The following YKT6 variants were observed in gnomAD, a reference collection of about 807,000 sequenced individuals.
YKT6 encodes the protein YKT6 vesicular SNARE protein.
A neutral mutation model predicts 29.3 loss-of-function variants in YKT6; 12 were observed. The observed-to-expected ratio is 0.41, with a 90% CI of 0.26 to 0.66. The LOEUF (loss-of-function observed/expected upper bound fraction) is 0.66. Among genes scored for constraint, YKT6 ranks in the 30% least tolerant of loss-of-function variants. YKT6 has a pLI of 0.32. For synonymous variants in YKT6, 86 were observed against 94.3 expected (o/e 0.91, Z 0.51); for missense variants, 188 against 243.8 (o/e 0.77, Z 1.52).
At chr7:44,204,713 G>C in intron 2 of YKT6, 63 bp downstream of exon 2, 1 of 1,531,696 alleles carries the variant, frequency 6.5e-7, no homozygotes, top group South Asian at 1.1e-5. Flanking sequence ...ACCTCACATA[G>C]CACCCAGCTT....
intron 5 of YKT6, among the ~76,000 whole-genome samples, chr7:44,209,251 G>A (rs1369821210): frequency 6.6e-6 from 1 of 152,188 alleles, no homozygotes; most frequent in African/African-American, 2.4e-5. Context: ...TGGAGTTGTT[G>A]GCCTGCGATG....
At chr7:44,204,265 TTGCATTCCAAATTA>T (rs1285805460) in intron 1 of YKT6, among the ~76,000 whole-genome samples, 4 of 152,230 alleles carry the variant, frequency 2.6e-5, no homozygotes, top group Non-Finnish European at 1.5e-5. Context: ...TGTTTTTCCA[TTGCATTCCAAATTA>T]TGCATTCACC....
chr7:44,205,919 G>T (rs538902505), intron 2 of YKT6, among the ~76,000 whole-genome samples: 1 of 152,252 alleles, frequency 6.6e-6, no homozygotes, highest in South Asian at 2.1e-4. Flanking sequence ...AGGCCCTGGG[G>T]GGTAATTTCC....
chr7:44,210,175 C>A (rs2096345069), intron 5 of YKT6, among the ~76,000 whole-genome samples: 1 of 152,092 alleles, frequency 6.6e-6, no homozygotes, highest in African/African-American at 2.4e-5. Flanking sequence ...TTTGGACTTG[C>A]CTCACATCAA....
chr7:44,206,551 G>A, intron 3 of YKT6, 66 bp downstream of exon 3: 1 of 1,384,684 alleles, frequency 7.2e-7, no homozygotes, highest in Non-Finnish European at 1.0e-6. Flanking sequence ...ACTGGGACAG[G>A]GGTTGATGGC....
rs931906386 is a variant in YKT6 at position 44,200,980 on chromosome 7, A to G, written c.-156A>G. 4.2e-5 allele frequency: 24 copies of G among 569,678 alleles called. No individual in the cohort carries two copies. The highest frequency in any genetic ancestry group is 6.1e-5 in the African/African-American group (3 of 49,008). The allele number at this position is 569,678 out of a possible 1,614,324, so 35.3% of individuals were successfully genotyped here. A position where few individuals can be genotyped will look rare whatever the true frequency, so the allele number is the denominator to read the frequency against. ...CCAGGCTGACCGGATCCGGAAGTGG[A>G]TTGCGAGCCAGGAGGAGGAAGCCGG... is the stretch of plus-strand genomic sequence containing the variant. On this transcript the variant is annotated 5_prime_UTR_variant, in exon 1 of 7. Transcript: ENST00000223369.
chr7:44,202,209 G>C (rs971942501), intron 1 of YKT6, among the ~76,000 whole-genome samples: 1 of 150,226 alleles, frequency 6.7e-6, no homozygotes, highest in Non-Finnish European at 1.5e-5. Context: ...GGACTTGCTG[G>C]ATGTAAAAAA....
intron 5 of YKT6, 28 bp from the exon 6 acceptor site, chr7:44,210,995 G>A: frequency 1.2e-6 from 2 of 1,612,350 alleles, no homozygotes; most frequent in Admixed American, 3.3e-5. Context: ...ACTGAACAGA[G>A]CTGGATTCTC....
At chr7:44,205,368 C>G (rs1365249176) in intron 2 of YKT6, among the ~76,000 whole-genome samples, 1 of 152,232 alleles carries the variant, frequency 6.6e-6, no homozygotes, top group East Asian at 1.9e-4. Flanking sequence ...GACAATTCCT[C>G]CACTGACCAG....
chr7:44,201,054 G>A lies in YKT6; in HGVS notation c.-82G>A, dbSNP rs963812618. 8.2e-5 allele frequency: 102 copies of A among 1,241,458 alleles called. No individual in the cohort carries two copies. The South Asian group carries it at 1.0e-3, about 13-fold the overall frequency. 76.9% of individuals were successfully genotyped at this position (1,241,458 alleles called of 1,614,324 possible). A position where few individuals can be genotyped will look rare whatever the true frequency, so the allele number is the denominator to read the frequency against. ...TGCTGAGAGGCCGGTAGGCGGCGGC[G>A]GTCCCGAGGGGCGGCGGCCGCGCTG... On this transcript the variant is annotated 5_prime_UTR_variant, in exon 1 of 7. Transcript: ENST00000223369.
In YKT6 at chr7:44,214,187, G is replaced by A. The variant is rs2096349829; in HGVS notation, c.*1905G>A. ...CCCACAGATCCCCTGCTCCTGTTGT[G>A]TTCTGTTGTAAATCATTTGGCGAGA... On this transcript the variant is annotated 3_prime_UTR_variant, in exon 7 of 7. Coordinates refer to ENST00000223369, the MANE Select transcript of YKT6 (RefSeq NM_006555.4). 3.3e-5 allele frequency: 5 copies of A among 152,296 alleles called. No individual in the cohort carries two copies. The highest frequency in any genetic ancestry group is 1.2e-4 in the African/African-American group (5 of 41,458). The allele number at this position is 152,296 out of a possible 1,614,324, so 9.4% of individuals were successfully genotyped here.
Position 44,213,819 on chromosome 7 carries a change from A to G in YKT6, c.*1537A>G, listed in dbSNP as rs1247863102. 6.6e-6 allele frequency: 1 copy of G among 151,926 alleles called. No individual in the cohort carries two copies. The highest frequency in any genetic ancestry group is 2.4e-5 in the African/African-American group (1 of 41,286). The allele number at this position is 151,926 out of a possible 1,614,324, so 9.4% of individuals were successfully genotyped here. A position where few individuals can be genotyped will look rare whatever the true frequency, so the allele number is the denominator to read the frequency against. ...CTGGCTGGTTTACCTGCTGCTGCCC[A>G]TTTTCTCTGGGTACTGCTGGCCAGA... is the stretch of plus-strand genomic sequence containing the variant. On this transcript the variant is annotated 3_prime_UTR_variant, in exon 7 of 7. Coordinates refer to ENST00000223369, the MANE Select transcript of YKT6 (RefSeq NM_006555.4).
intron 5 of YKT6, 57 bp from the exon 6 acceptor site, chr7:44,210,966 G>A: frequency 6.4e-7 from 1 of 1,573,946 alleles, no homozygotes; most frequent in South Asian, 1.1e-5. Flanking sequence ...AAATATGAGG[G>A]GCTCATGTCA....
At chr7:44,211,927 C>T (rs560516113) in intron 6 of YKT6, among the ~76,000 whole-genome samples, 1 of 152,250 alleles carries the variant, frequency 6.6e-6, no homozygotes, top group East Asian at 1.9e-4. Context: ...TCTGCCAATC[C>T]CATTTGTATT....
At position 44,211,079 on chromosome 7, in the gene YKT6, C is replaced by T; in HGVS notation, c.516C>T (p.Ser172=). 2.5e-6 allele frequency: 4 copies of T among 1,613,984 alleles called. No individual in the cohort carries two copies. The highest frequency in any genetic ancestry group is 1.3e-5 in the African/African-American group (1 of 75,022). ...GTGAGAAGCTAGATGACTTGGTGTC[C>T]AAATCCGAGGTGCTGGGAACACAGT... ...ERGEKLDDLV[S]KSEVLGTQSK... Residue 172 remains serine, a synonymous_variant, in exon 6 of 7, where the codon TCC becomes TCT. Transcript: ENST00000223369.
rs374204381 is a variant in YKT6 at position 44,207,358 on chromosome 7, G to C, written c.289-30G>C. On this transcript the variant is annotated intron_variant, in intron 3 of 6. Transcript: ENST00000223369. ...GAGACCACTGGTGAGTGCACAGTGG[G>C]AGGCTTGTTGAGTCTCCTTTGTCTT... 3.4e-4 allele frequency: 539 copies of C among 1,596,170 alleles called. 7 individuals carry two copies. In the South Asian group the frequency reaches 5.7e-3, roughly 17 times the overall value.
chr7:44,209,278 A>G (rs2096344215), intron 5 of YKT6, among the ~76,000 whole-genome samples: 1 of 152,178 alleles, frequency 6.6e-6, no homozygotes. Context: ...GGGAACCTGC[A>G]TTTTATAAAA....
Position 44,201,066 on chromosome 7 carries a change from C to T in YKT6, c.-70C>T, listed in dbSNP as rs931983198. On this transcript the variant is annotated 5_prime_UTR_variant, in exon 1 of 7. Transcript: ENST00000223369. ...GGTAGGCGGCGGCGGTCCCGAGGGG[C>T]GGCGGCCGCGCTGCTCCCTGAGAAC... 5 of 1,372,934 alleles carry T rather than the reference C, an allele frequency of 3.6e-6. No individual in the cohort carries two copies. Among genetic ancestry groups the T allele is most frequent in the African/African-American group, 3.0e-5 (2 of 65,722 alleles). The allele number at this position is 1,372,934 out of a possible 1,614,324, so 85.0% of individuals were successfully genotyped here. A position where few individuals can be genotyped will look rare whatever the true frequency, so the allele number is the denominator to read the frequency against.
Position 44,201,257 on chromosome 7 carries a change from G to T in YKT6, c.104+18G>T, listed in dbSNP as rs1312833185. On this transcript the variant is annotated intron_variant, in intron 1 of 6. Coordinates refer to ENST00000223369, the MANE Select transcript of YKT6 (RefSeq NM_006555.4). ...AGATCCAGGTGAGCGGCACAGGCTGGTGGGCCGTGGCGGTCGGGCGGAGAG... is the reference window on the plus strand; with the variant it reads ...AGATCCAGGTGAGCGGCACAGGCTGTTGGGCCGTGGCGGTCGGGCGGAGAG... The T allele has an allele frequency of 1.2e-6, 2 of 1,607,310 alleles. No individual in the cohort carries two copies. The highest frequency in any genetic ancestry group is 8.5e-7 in the Non-Finnish European group (1 of 1,176,548).
Sources: allele counts gnomAD v4.1 joint callset (sites outside exome capture counted in the v4.1 genomes callset), GRCh38; gene constraint gnomAD v4.1.1; transcripts MANE v1.5; gene names NCBI Gene and HGNC (gene_info 2026-07-23, HGNC 2026-07-21).